Variants in STAU2 observed in about 807,000 individuals in gnomAD.
The protein encoded by STAU2 is double-stranded RNA-binding protein Staufen homolog 2.
STAU2 carries 20 observed loss-of-function variants against 65.9 expected under a neutral mutation model. The observed-to-expected ratio is 0.30, with a 90% CI of 0.21 to 0.44. The LOEUF (loss-of-function observed/expected upper bound fraction) is 0.44. STAU2 is among the 20% of genes least tolerant of loss of function. The probability of loss-of-function intolerance (pLI) is 1.00; values close to 1 mark genes in which losing one functional copy is unlikely to be tolerated. For synonymous variants in STAU2, 232 were observed against 233.9 expected, an observed-to-expected ratio of 0.99 and a Z score of 0.07; for missense variants, 558 against 683.9, an observed-to-expected ratio of 0.82 and a Z score of 2.05.
chr8:73,551,829 A>G lies in STAU2; in HGVS notation c.1530+183T>C, dbSNP rs116823426. ...AAAAGAATTACTAGATAGATCAAAA[A>G]TAAGAGAAAATGAGGCATGTGCATA... On this transcript the variant is annotated intron_variant, in intron 13 of 14. Coordinates refer to ENST00000524300, the MANE Select transcript of STAU2 (RefSeq NM_001164380.2). 3.5e-3 allele frequency: 4,482 copies of G among 1,276,046 alleles called. 127 individuals carry two copies. In the African/African-American group the frequency reaches 0.06, roughly 17 times the overall value. The allele number at this position is 1,276,046 out of a possible 1,614,324, so 79.0% of individuals were successfully genotyped here. A position where few individuals can be genotyped will look rare whatever the true frequency, so the allele number is the denominator to read the frequency against.
chr8:73,560,113 C>A (rs1169865566), intron 12 of STAU2, among the ~76,000 whole-genome samples: 1 of 132,534 alleles, frequency 7.5e-6, no homozygotes, highest in East Asian at 2.1e-4. Context: ...CAGAGTCTCG[C>A]TCTGTCCCCC....
At chr8:73,651,360 G>T in intron 6 of STAU2, 1 of 679,970 alleles carries the variant, frequency 1.5e-6, no homozygotes. Context: ...CAGTACCTGG[G>T]CCCTCTGGAG....
chr8:73,639,593 C>T (rs1359764082), intron 6 of STAU2, among the ~76,000 whole-genome samples: 3 of 152,112 alleles, frequency 2.0e-5, no homozygotes, highest in South Asian at 2.1e-4. Flanking sequence ...TGAAAATAAA[C>T]TTCTGTATTA....
chr8:73,443,355 C>T (rs1818298388), intron 13 of STAU2, among the ~76,000 whole-genome samples: 1 of 152,174 alleles, frequency 6.6e-6, no homozygotes, highest in African/African-American at 2.4e-5. Context: ...CAACTTAGTG[C>T]TTTGTATAGC....
At chr8:73,615,173 C>T (rs954183675) in intron 8 of STAU2, among the ~76,000 whole-genome samples, 2 of 151,596 alleles carry the variant, frequency 1.3e-5, no homozygotes, top group East Asian at 1.9e-4. Flanking sequence ...AAATTTCATA[C>T]AATTTTATGA....
intron 11 of STAU2, among the ~76,000 whole-genome samples, chr8:73,588,444 C>G (rs1810533138): frequency 1.3e-5 from 2 of 152,232 alleles, no homozygotes; most frequent in South Asian, 4.1e-4. Context: ...AGAAGGACAA[C>G]TGGGGCTACA....
chr8:73,631,787 T>C (rs1814105375), intron 6 of STAU2, among the ~76,000 whole-genome samples: 1 of 152,106 alleles, frequency 6.6e-6, no homozygotes, highest in Non-Finnish European at 1.5e-5. Context: ...CCTGGGAAAT[T>C]AATGAATAAT....
intron 13 of STAU2, among the ~76,000 whole-genome samples, chr8:73,450,982 T>G (rs921596572): frequency 2.6e-5 from 4 of 152,176 alleles, no homozygotes; most frequent in Non-Finnish European, 5.9e-5. Flanking sequence ...TGCCAGCACA[T>G]GAGGATGTGG....
chr8:73,435,722 C>G (rs1817635986), intron 13 of STAU2, among the ~76,000 whole-genome samples: 1 of 151,982 alleles, frequency 6.6e-6, no homozygotes, highest in Admixed American at 6.5e-5. Context: ...AGATCTCAAT[C>G]TTCTCTCATC....
In STAU2 at chr8:73,642,137, T is replaced by C. The variant is rs111400031; in HGVS notation, c.411-24686A>G. On this transcript the variant is annotated intron_variant, in intron 6 of 14. Transcript: ENST00000524300. ...CGGTTTTGGTTTTGTTTCTATTTTA[T>C]TGCAATAATCTCCCACTTGATCTAC... is the stretch of plus-strand genomic sequence containing the variant. Among the ~76,000 whole-genome samples the C allele has an allele frequency of 5.9e-5, 9 of 152,184 alleles. 1 individual carries two copies. Among genetic ancestry groups the C allele is most frequent in the African/African-American group, 9.7e-5 (4 of 41,428 alleles).
At chr8:73,493,634 G>A (rs1158926631) in intron 13 of STAU2, among the ~76,000 whole-genome samples, 3 of 151,756 alleles carry the variant, frequency 2.0e-5, no homozygotes, top group Non-Finnish European at 4.4e-5. Flanking sequence ...GCAAATGTTG[G>A]CAAGGATATG....
chr8:73,733,933 T>C (rs994454157), intron 3 of STAU2, among the ~76,000 whole-genome samples: 6 of 152,066 alleles, frequency 3.9e-5, no homozygotes, highest in Non-Finnish European at 2.9e-5. Context: ...AAGAAAATAA[T>C]TGGACAAAGA....
chr8:73,432,751 C>T lies in STAU2; in HGVS notation c.1531-10049G>A, dbSNP rs572269724. 4.1e-4 allele frequency among the ~76,000 whole-genome samples: 62 copies of T among 152,260 alleles called. 1 individual carries two copies. The highest frequency in any genetic ancestry group is 1.4e-3 in the African/African-American group (59 of 41,568). ...CCTGCACTTTTTATTCATGCTTCCA[C>T]GATCCTATCAGTTCAGGTAATTTCC... On this transcript the variant is annotated intron_variant, in intron 13 of 14. Transcript: ENST00000524300.
intron 5 of STAU2, among the ~76,000 whole-genome samples, chr8:73,685,718 T>A (rs1317368830): frequency 6.6e-6 from 1 of 152,028 alleles, no homozygotes; most frequent in Non-Finnish European, 1.5e-5. Context: ...TGTCAACTAG[T>A]AAAACCACTA....
At chr8:73,719,246 T>G (rs1180795876) in intron 3 of STAU2, among the ~76,000 whole-genome samples, 3 of 151,928 alleles carry the variant, frequency 2.0e-5, no homozygotes, top group Non-Finnish European at 4.4e-5. Flanking sequence ...TACTAAAAAA[T>G]ACAAAAAAAT....
At chr8:73,447,745 T>C (rs1344858463) in intron 13 of STAU2, among the ~76,000 whole-genome samples, 3 of 152,170 alleles carry the variant, frequency 2.0e-5, no homozygotes, top group Admixed American at 1.3e-4. Flanking sequence ...CTCCCACCTG[T>C]ACTGGTGGGG....
intron 6 of STAU2, among the ~76,000 whole-genome samples, chr8:73,621,523 T>C (rs1285413514): frequency 2.6e-5 from 4 of 152,180 alleles, no homozygotes; most frequent in African/African-American, 9.7e-5. Flanking sequence ...TAAGCAGACA[T>C]AGCTATTCTT....
chr8:73,571,661 G>A (rs1391126498), intron 12 of STAU2, among the ~76,000 whole-genome samples: 18 of 152,260 alleles, frequency 1.2e-4, no homozygotes, highest in Non-Finnish European at 2.4e-4. Flanking sequence ...GGTACATAAC[G>A]AAATGAAGGC....
chr8:73,470,867 T>G (rs1235928379), intron 13 of STAU2, among the ~76,000 whole-genome samples: 1 of 152,172 alleles, frequency 6.6e-6, no homozygotes, highest in Non-Finnish European at 1.5e-5. Context: ...AAGAAATTAC[T>G]GAAGCAGTGC....
Sources: allele counts gnomAD v4.1 joint callset (sites outside exome capture counted in the v4.1 genomes callset), GRCh38; gene constraint gnomAD v4.1.1; transcripts MANE v1.5; gene names NCBI Gene and HGNC (gene_info 2026-07-23, HGNC 2026-07-21).